The following NOL4 variants were observed in gnomAD, a reference collection of about 807,000 sequenced individuals.
NOL4 encodes nucleolar protein 4.
NOL4 carries 17 observed loss-of-function variants against 75.9 expected under a neutral mutation model. That is an observed-to-expected ratio of 0.22 (90% CI 0.15 to 0.34). The LOEUF is 0.34. NOL4 is among the 10% of genes least tolerant of loss of function. NOL4 has a pLI of 1.00. For synonymous variants in NOL4, 292 were observed against 289.9 expected (o/e 1.01, Z -0.07); for missense variants, 614 against 793.5 (o/e 0.77, Z 2.72).
intron 5 of NOL4, among the ~76,000 whole-genome samples, chr18:34,036,345 A>G (rs560297597): frequency 7.7e-6 from 1 of 129,342 alleles, no homozygotes; most frequent in Non-Finnish European, 1.6e-5. Flanking sequence ...AAGGAAATGC[A>G]TCATATCAAT....
At chr18:33,883,566 T>A in intron 9 of NOL4, 142 bp from the exon 10 acceptor site, 1 of 523,754 alleles carries the variant, frequency 1.9e-6, no homozygotes, top group Admixed American at 4.1e-5. Flanking sequence ...AGATGCACAT[T>A]TTCAACATCT....
intron 1 of NOL4, among the ~76,000 whole-genome samples, chr18:34,152,801 C>T (rs940870722): frequency 5.9e-5 from 9 of 151,756 alleles, no homozygotes; most frequent in Admixed American, 5.9e-4. Flanking sequence ...AAAACATTTA[C>T]CACCCTAATG....
At chr18:33,948,961 A>T (rs2069022587) in intron 8 of NOL4, among the ~76,000 whole-genome samples, 1 of 152,046 alleles carries the variant, frequency 6.6e-6, no homozygotes, top group East Asian at 1.9e-4. Flanking sequence ...AACCTAAAAG[A>T]TTTTTCAGAA....
chr18:34,036,166 A>C (rs949967792), intron 5 of NOL4, among the ~76,000 whole-genome samples: 1 of 152,188 alleles, frequency 6.6e-6, no homozygotes, highest in Non-Finnish European at 1.5e-5. Context: ...CAAGGATTTG[A>C]CAAATAGTGA....
intron 10 of NOL4, among the ~76,000 whole-genome samples, chr18:33,855,984 T>C (rs1252850586): frequency 6.6e-6 from 1 of 152,066 alleles, no homozygotes; most frequent in Non-Finnish European, 1.5e-5. Context: ...AGTTTTGTTT[T>C]TGCAGTGTAA....
At chr18:34,001,814 A>C (rs970875786) in intron 6 of NOL4, 2 of 152,654 alleles carry the variant, frequency 1.3e-5, no homozygotes, top group African/African-American at 4.8e-5. Context: ...ACAATATTTC[A>C]TAAAGACTGG....
intron 1 of NOL4, among the ~76,000 whole-genome samples, chr18:34,137,586 C>CA (rs781157458): frequency 1.7e-4 from 26 of 152,038 alleles, no homozygotes; most frequent in Admixed American, 3.3e-4. Flanking sequence ...CAATGAAACA[C>CA]TACTTCACAT....
chr18:34,028,421 G>A (rs114625138), intron 5 of NOL4, among the ~76,000 whole-genome samples: 1,795 of 152,242 alleles, frequency 0.012, 33 homozygotes, highest in African/African-American at 0.041. Context: ...ATATCATTTG[G>A]TTGTACACAT....
At chr18:34,108,590 C>G (rs1266926193) in intron 2 of NOL4, among the ~76,000 whole-genome samples, 1 of 152,042 alleles carries the variant, frequency 6.6e-6, no homozygotes, top group Non-Finnish European at 1.5e-5. Context: ...AAAATTGTCA[C>G]AAGAGGCAAT....
chr18:33,948,377 G>C (rs2068978763), intron 8 of NOL4, among the ~76,000 whole-genome samples: 1 of 151,724 alleles, frequency 6.6e-6, no homozygotes, highest in Middle Eastern at 3.2e-3. Context: ...TCCCCCAAGT[G>C]GCATATCTAT....
chr18:33,999,104 T>C (rs575876382), intron 6 of NOL4, among the ~76,000 whole-genome samples: 35 of 152,118 alleles, frequency 2.3e-4, no homozygotes, highest in Non-Finnish European at 4.1e-4. Context: ...AGTAGGTGTA[T>C]TGTCCCTCAA....
intron 1 of NOL4, among the ~76,000 whole-genome samples, chr18:34,155,151 G>T (rs890033265): frequency 6.6e-6 from 1 of 151,662 alleles, no homozygotes; most frequent in Non-Finnish European, 1.5e-5. Context: ...CGTGAAAGTT[G>T]GTCAGAGAGA....
At chr18:34,191,224 C>T (rs556875424) in intron 1 of NOL4, among the ~76,000 whole-genome samples, 64 of 152,130 alleles carry the variant, frequency 4.2e-4, no homozygotes, top group African/African-American at 1.5e-3. Context: ...AATATATTAT[C>T]GGTTGAAAAT....
intron 9 of NOL4, among the ~76,000 whole-genome samples, chr18:33,904,840 C>T (rs2065943473): frequency 6.6e-6 from 1 of 152,090 alleles, no homozygotes; most frequent in African/African-American, 2.4e-5. Flanking sequence ...CCCATCTATC[C>T]CTGATTTGAA....
At chr18:33,994,899 T>A (rs2073164888) in intron 6 of NOL4, among the ~76,000 whole-genome samples, 1 of 151,216 alleles carries the variant, frequency 6.6e-6, no homozygotes, top group African/African-American at 2.4e-5. Context: ...CTTTAGTAGA[T>A]CAACAATGAA....
rs544495813 is a variant in NOL4, at chr18:34,049,078, A to G, written c.773-29477T>C. ...GAAGGTTAGATACAGGCGCGCGCACACACACACACACACACACACACACAC... is the reference window on the plus strand; with the variant it reads ...GAAGGTTAGATACAGGCGCGCGCACGCACACACACACACACACACACACAC... On this transcript the variant is annotated intron_variant, in intron 5 of 10. Coordinates refer to ENST00000261592, the MANE Select transcript of NOL4 (RefSeq NM_003787.5). Among the ~76,000 whole-genome samples, 251 of 75,742 alleles carry G rather than the reference A, an allele frequency of 3.3e-3. 4 individuals are homozygous for G. In the East Asian group the frequency reaches 0.038, roughly 12 times the overall value. The allele number at this position is 75,742 out of a possible 152,430, so 49.7% of individuals were successfully genotyped here.
intron 2 of NOL4, among the ~76,000 whole-genome samples, chr18:34,121,612 A>T (rs935463812): frequency 3.3e-5 from 5 of 152,216 alleles, no homozygotes. Context: ...TTTATGCAAG[A>T]GGCAAAGTGC....
chr18:33,859,454 TCTG>T (rs1194782066), intron 10 of NOL4, among the ~76,000 whole-genome samples: 3 of 152,206 alleles, frequency 2.0e-5, no homozygotes, highest in Admixed American at 6.5e-5. Flanking sequence ...CAAATGTTTT[TCTG>T]GTGTAACTTT....
intron 9 of NOL4, among the ~76,000 whole-genome samples, chr18:33,936,643 G>T (rs2068077933): frequency 6.6e-6 from 1 of 152,062 alleles, no homozygotes; most frequent in South Asian, 2.1e-4. Flanking sequence ...TTCTAGGGCA[G>T]TAACTGCTGG....
Sources: allele counts gnomAD v4.1 joint callset (sites outside exome capture counted in the v4.1 genomes callset), GRCh38; gene constraint gnomAD v4.1.1; transcripts MANE v1.5; gene names NCBI Gene and HGNC (gene_info 2026-07-23, HGNC 2026-07-21).